Variants in ZFHX3 observed in about 807,000 individuals in gnomAD.
The protein encoded by ZFHX3 is zinc finger homeobox 3.
Under a neutral mutation model 279.1 loss-of-function variants are expected in ZFHX3, and 42 were observed. That is an observed-to-expected ratio of 0.15 (90% CI 0.12 to 0.19). The LOEUF is 0.19. Ranked by LOEUF, ZFHX3 falls within the 10% of genes least tolerant of loss-of-function variation. The probability of loss-of-function intolerance (pLI) is 1.00; values close to 1 mark genes in which losing one functional copy is unlikely to be tolerated. For missense variants in ZFHX3, 4,981 were observed against 4,754.0 expected (o/e 1.05, Z -1.40); for synonymous variants, 2,293 against 1,957.8 (o/e 1.17, Z -4.52).
chr16:73,408,123 G>C (rs893744809), intron 3 of ZFHX3, among the ~76,000 whole-genome samples: 4 of 120,692 alleles, frequency 3.3e-5, no homozygotes, highest in African/African-American at 1.3e-4. Context: ...TTTTTTTTTT[G>C]CTTGGGTGGA....
chr16:72,796,837 G>T lies in ZFHX3; in HGVS notation c.5845C>A (p.Leu1949Met), dbSNP rs2035924245. ...ACCAACTCAAAGCCAAAGTTCTCCA[G>T]CAGGGCCTTGGTGGCGTTCCCTCTG... ...DARGNATKAL[L>M]ENFGFELVIQ... is the part of the protein sequence containing the mutation. The change falls in exon 9 of 10, where the codon CTG (leucine) becomes ATG (methionine). Residue 1949 changes from leucine (L) to methionine (M), a missense_variant. Physicochemically the swap from Leu to Met is conservative, Grantham distance 15. Around this residue, in one of 7 missense-constraint regions of ZFHX3, gnomAD observed 1,751 missense variants for 1,770.0 expected, o/e 0.99. Transcript: ENST00000268489. The T allele has an allele frequency of 6.2e-7, 1 of 1,613,464 alleles. No homozygotes were observed. The highest frequency in any genetic ancestry group is 8.5e-7 in the Non-Finnish European group (1 of 1,179,920).
chr16:73,472,477 G>C (rs1362236725), intron 2 of ZFHX3, among the ~76,000 whole-genome samples: 1 of 152,172 alleles, frequency 6.6e-6, no homozygotes, highest in Admixed American at 6.5e-5. Context: ...CATTGGAAGA[G>C]AGAATTTTCT....
chr16:72,850,488 G>GA (rs1191299999), intron 4 of ZFHX3, among the ~76,000 whole-genome samples: 1 of 152,218 alleles, frequency 6.6e-6, no homozygotes, highest in Admixed American at 6.5e-5. Context: ...CGAAGTTGGG[G>GA]AAAAAATTTC....
chr16:73,540,162 G>A (rs148005011), intron 2 of ZFHX3, among the ~76,000 whole-genome samples: 8 of 152,242 alleles, frequency 5.3e-5, no homozygotes, highest in Non-Finnish European at 8.8e-5. Flanking sequence ...TTGGCCTGAC[G>A]TGCCTGCTGG....
At chr16:73,808,821 T>C (rs1185111744) in intron 1 of ZFHX3, among the ~76,000 whole-genome samples, 1 of 152,042 alleles carries the variant, frequency 6.6e-6, no homozygotes, top group African/African-American at 2.4e-5. Flanking sequence ...GCAGAGTATA[T>C]AACCTACAAG....
chr16:73,384,535 A>G (rs907182941), intron 3 of ZFHX3, among the ~76,000 whole-genome samples: 3 of 152,230 alleles, frequency 2.0e-5, no homozygotes, highest in African/African-American at 7.2e-5. Flanking sequence ...TGAACCATTA[A>G]ACATTAAGTA....
intron 4 of ZFHX3, among the ~76,000 whole-genome samples, chr16:72,848,514 GCCT>G (rs2037533112): frequency 6.6e-6 from 1 of 152,056 alleles, no homozygotes; most frequent in East Asian, 1.9e-4. Flanking sequence ...AGCTTCCTAA[GCCT>G]CCTCCTCAAC....
intron 5 of ZFHX3, among the ~76,000 whole-genome samples, chr16:73,150,824 T>C (rs1195495542): frequency 6.6e-6 from 1 of 152,208 alleles, no homozygotes; most frequent in Non-Finnish European, 1.5e-5. Context: ...CCTTAACATG[T>C]GTCTGTTGAA....
At chr16:73,064,953 T>G (rs1034823365) in intron 8 of ZFHX3, among the ~76,000 whole-genome samples, 7 of 152,002 alleles carry the variant, frequency 4.6e-5, no homozygotes, top group Non-Finnish European at 7.4e-5. Flanking sequence ...CTGGGGCGAG[T>G]GAAGAAGAGA....
intron 2 of ZFHX3, among the ~76,000 whole-genome samples, chr16:73,508,524 T>C (rs2019367238): frequency 6.6e-6 from 1 of 152,164 alleles, no homozygotes; most frequent in African/African-American, 2.4e-5. Flanking sequence ...ATTACACACA[T>C]GTGAGTTAGG....
In ZFHX3 at chr16:72,787,974, G is replaced by T; in HGVS notation, c.10302C>A (p.Leu3434=). 1 of 1,613,886 alleles carries T rather than the reference G, an allele frequency of 6.2e-7. No homozygotes were observed. Among genetic ancestry groups the T allele is most frequent in the Non-Finnish European group, 8.5e-7 (1 of 1,179,978 alleles). ...CTGGCTCTTCAGGGAGTTTCGGCAG[G>T]AGGGGGGACACCTCACGGGGGGTGT... The part of the protein sequence containing the change: ...QKNTPREVSP[L]LPKLPEEPEA... Residue 3434 remains leucine (L), a synonymous_variant, in exon 10 of 10, where the codon CTC becomes CTA. Transcript: ENST00000268489.
intron 7 of ZFHX3, among the ~76,000 whole-genome samples, chr16:73,104,305 G>A (rs183916821): frequency 1.2e-4 from 18 of 152,064 alleles, no homozygotes; most frequent in African/African-American, 3.9e-4. Context: ...ATCTTAGTTC[G>A]ATGCAACCTC....
At chr16:73,728,331 C>G (rs755093101) in intron 1 of ZFHX3, among the ~76,000 whole-genome samples, 21 of 152,126 alleles carry the variant, frequency 1.4e-4, no homozygotes, top group Non-Finnish European at 2.8e-4. Flanking sequence ...TCTCAGACTT[C>G]TAGCCTCCAG....
intron 3 of ZFHX3, among the ~76,000 whole-genome samples, chr16:72,931,017 G>T (rs2144293508): frequency 6.6e-6 from 1 of 152,096 alleles, no homozygotes; most frequent in Middle Eastern, 3.4e-3. Flanking sequence ...CATGTTTATT[G>T]CCACTGATTT....
chr16:72,965,790 G>GT (rs1306367982), intron 1 of ZFHX3, among the ~76,000 whole-genome samples: 1 of 152,178 alleles, frequency 6.6e-6, no homozygotes, highest in Non-Finnish European at 1.5e-5. Context: ...AGCATATACT[G>GT]TAAGTTCTTC....
exon 6 of ZFHX3, chr16:73,143,787 A>T (rs1445348313): frequency 7.7e-7 from 1 of 1,305,656 alleles, no homozygotes; most frequent in Non-Finnish European, 1.0e-6. Flanking sequence ...ACCATCCAAT[A>T]GCGCTAGGCT....
intron 5 of ZFHX3, among the ~76,000 whole-genome samples, chr16:73,231,018 G>T (rs1179604493): frequency 1.3e-5 from 2 of 152,180 alleles, no homozygotes; most frequent in African/African-American, 4.8e-5. Flanking sequence ...GAGAAAGGGT[G>T]ATGTGAGCCC....
chr16:73,355,465 C>G, intron 3 of ZFHX3, among the ~76,000 whole-genome samples: 1 of 152,168 alleles, frequency 6.6e-6, no homozygotes, highest in Non-Finnish European at 1.5e-5. Context: ...GCAGAAAAGG[C>G]AGGTGCCATG....
intron 2 of ZFHX3, among the ~76,000 whole-genome samples, chr16:73,510,555 A>T (rs1205173930): frequency 1.3e-5 from 2 of 152,180 alleles, no homozygotes; most frequent in African/African-American, 2.4e-5. Context: ...ACTTTGAACT[A>T]TTTACTACAA....
Sources: gnomAD v4.1 joint callset for allele counts (sites outside exome capture counted in the v4.1 genomes callset) on GRCh38, gnomAD v4.1.1 for gene constraint, gnomAD v4.1.1 regional missense constraint, MANE v1.5 for transcripts, NCBI Gene and HGNC (gene_info 2026-07-23, HGNC 2026-07-21) for gene names.